Variants in HS6ST3 observed in about 807,000 individuals in gnomAD.
HS6ST3 encodes heparan-sulfate 6-O-sulfotransferase 3.
In HS6ST3, 12 loss-of-function variants were observed where a neutral mutation model predicts 36.7. That is an observed-to-expected ratio of 0.33 (90% CI 0.21 to 0.53). The LOEUF (loss-of-function observed/expected upper bound fraction) is 0.53. Among genes scored for constraint, HS6ST3 ranks in the 20% least tolerant of loss-of-function variants. The probability of loss-of-function intolerance (pLI) is 0.95; values close to 1 mark genes in which losing one functional copy is unlikely to be tolerated. For missense variants in HS6ST3, 584 were observed against 640.9 expected, an observed-to-expected ratio of 0.91 and a Z score of 0.96; for synonymous variants, 240 against 257.5, an observed-to-expected ratio of 0.93 and a Z score of 0.65.
chr13:96,524,050 A>T (rs1336110107), intron 1 of HS6ST3, among the ~76,000 whole-genome samples: 2 of 152,004 alleles, frequency 1.3e-5, no homozygotes, highest in African/African-American at 4.8e-5. Context: ...TTTGGTGTGG[A>T]TGTCCTTCTT....
chr13:96,708,385 C>T (rs79775592), intron 1 of HS6ST3, among the ~76,000 whole-genome samples: 2,214 of 152,300 alleles, frequency 0.015, 26 homozygotes, highest in South Asian at 0.025. Flanking sequence ...TCTTCCAAAG[C>T]ATGTCCAACT....
chr13:96,722,850 G>A (rs370743188), intron 1 of HS6ST3, among the ~76,000 whole-genome samples: 4 of 152,024 alleles, frequency 2.6e-5, no homozygotes, highest in Non-Finnish European at 4.4e-5. Flanking sequence ...GGTGGCGTGC[G>A]CCTGTAGTCC....
At chr13:96,526,257 G>A (rs1293696936) in intron 1 of HS6ST3, among the ~76,000 whole-genome samples, 6 of 152,284 alleles carry the variant, frequency 3.9e-5, no homozygotes, top group Admixed American at 6.5e-5. Flanking sequence ...GTGATGCACC[G>A]CTGACGAGCT....
At chr13:96,301,283 A>G (rs1261612513) in intron 1 of HS6ST3, among the ~76,000 whole-genome samples, 4 of 152,230 alleles carry the variant, frequency 2.6e-5, no homozygotes, top group East Asian at 3.9e-4. Flanking sequence ...CTTGGTCTGA[A>G]ACACTTTGGC....
At chr13:96,548,383 C>T (rs932095287) in intron 1 of HS6ST3, among the ~76,000 whole-genome samples, 2 of 152,130 alleles carry the variant, frequency 1.3e-5, no homozygotes, top group African/African-American at 2.4e-5. Flanking sequence ...TCTTTCACAC[C>T]GTATCTCTGT....
intron 1 of HS6ST3, among the ~76,000 whole-genome samples, chr13:96,746,299 T>C (rs1876560245): frequency 6.6e-6 from 1 of 152,058 alleles, no homozygotes; most frequent in Admixed American, 6.6e-5. Flanking sequence ...AGACTTGATA[T>C]ATGGGAGAAT....
Position 96,683,058 on chromosome 13 carries a change from T to A in HS6ST3, c.708-149432T>A, listed in dbSNP as rs538872216. Among the ~76,000 whole-genome samples, 6 of 152,290 alleles carry A rather than the reference T, an allele frequency of 3.9e-5. No individual in the cohort carries two copies. In the South Asian group the frequency reaches 1.2e-3, roughly 32 times the overall value. On this transcript the variant is annotated intron_variant, in intron 1 of 1. Coordinates refer to ENST00000376705, the MANE Select transcript of HS6ST3 (RefSeq NM_153456.4). ...GCAACAGAGTTGTTATAAGGATTATTTGCATTACTTGTCCTAGTCTCTGCC... is the reference window on the plus strand; with the variant it reads ...GCAACAGAGTTGTTATAAGGATTATATGCATTACTTGTCCTAGTCTCTGCC...
At chr13:96,807,758 C>T (rs540340728) in intron 1 of HS6ST3, among the ~76,000 whole-genome samples, 5 of 151,268 alleles carry the variant, frequency 3.3e-5, no homozygotes, top group African/African-American at 7.3e-5. Flanking sequence ...CCCAGCTACT[C>T]GGGAGGCTGA....
chr13:96,817,517 C>T (rs761843101), intron 1 of HS6ST3, among the ~76,000 whole-genome samples: 4 of 152,180 alleles, frequency 2.6e-5, no homozygotes, highest in Non-Finnish European at 5.9e-5. Context: ...CAGCACTTAA[C>T]TAGTGTTTGG....
At chr13:96,359,722 G>A (rs1938912270) in intron 1 of HS6ST3, among the ~76,000 whole-genome samples, 1 of 152,124 alleles carries the variant, frequency 6.6e-6, no homozygotes, top group Non-Finnish European at 1.5e-5. Flanking sequence ...TGATTCTGAA[G>A]TTATTCATAC....
At chr13:96,420,405 C>G (rs762375332) in intron 1 of HS6ST3, among the ~76,000 whole-genome samples, 5 of 152,106 alleles carry the variant, frequency 3.3e-5, no homozygotes, top group Non-Finnish European at 7.4e-5. Flanking sequence ...GGTCCTGTTT[C>G]TTTGTCAGAT....
intron 1 of HS6ST3, among the ~76,000 whole-genome samples, chr13:96,325,637 T>C (rs577106655): frequency 6.6e-6 from 1 of 152,214 alleles, no homozygotes; most frequent in South Asian, 2.1e-4. Context: ...CATCCAAGGA[T>C]TTTGGTATCC....
At chr13:96,360,457 C>A (rs1305877909) in intron 1 of HS6ST3, among the ~76,000 whole-genome samples, 1 of 151,936 alleles carries the variant, frequency 6.6e-6, no homozygotes, top group Non-Finnish European at 1.5e-5. Context: ...AAAGGCAAAT[C>A]TGATATTTAG....
chr13:96,786,329 G>A (rs964130667), intron 1 of HS6ST3, among the ~76,000 whole-genome samples: 2 of 152,050 alleles, frequency 1.3e-5, no homozygotes, highest in Non-Finnish European at 2.9e-5. Flanking sequence ...GTTCTTGGTA[G>A]CACTTACCAT....
chr13:96,282,583 G>A (rs548672119), intron 1 of HS6ST3, among the ~76,000 whole-genome samples: 45 of 152,198 alleles, frequency 3.0e-4, no homozygotes, highest in African/African-American at 6.3e-4. Flanking sequence ...CATCTTTGGC[G>A]TACAATATCT....
chr13:96,093,095 T>TAATCTAA (rs2053773112), intron 1 of HS6ST3, among the ~76,000 whole-genome samples: 2 of 152,248 alleles, frequency 1.3e-5, no homozygotes, highest in South Asian at 4.1e-4. Context: ...AACCTTGTAC[T>TAATCTAA]CCCTGTTTAG....
intron 1 of HS6ST3, among the ~76,000 whole-genome samples, chr13:96,541,842 G>A (rs1263003612): frequency 6.6e-6 from 1 of 152,158 alleles, no homozygotes; most frequent in African/African-American, 2.4e-5. Context: ...TTATAAGAGT[G>A]ATTTTCCTGG....
chr13:96,278,181 C>T (rs1415809750), intron 1 of HS6ST3, among the ~76,000 whole-genome samples: 1 of 152,138 alleles, frequency 6.6e-6, no homozygotes, highest in Non-Finnish European at 1.5e-5. Context: ...AAATTCAAGA[C>T]CTATGACAAT....
At chr13:96,652,808 C>G (rs147192517) in intron 1 of HS6ST3, among the ~76,000 whole-genome samples, 4 of 152,178 alleles carry the variant, frequency 2.6e-5, no homozygotes, top group South Asian at 2.1e-4. Context: ...CATAATTACT[C>G]TCAAACTTAA....
Sources: gnomAD v4.1 joint callset for allele counts (sites outside exome capture counted in the v4.1 genomes callset) on GRCh38, gnomAD v4.1.1 for gene constraint, MANE v1.5 for transcripts, NCBI Gene and HGNC (gene_info 2026-07-23, HGNC 2026-07-21) for gene names.